Variants in COL5A2 observed in about 807,000 individuals in gnomAD.
The protein encoded by COL5A2 is collagen alpha-2(V) chain.
In COL5A2, 23 loss-of-function variants were observed where a neutral mutation model predicts 208.2. That is an observed-to-expected ratio of 0.11 (90% CI 0.08 to 0.16). COL5A2 has a LOEUF of 0.16. Ranked by LOEUF, COL5A2 falls within the 10% of genes least tolerant of loss-of-function variation. The pLI, the probability that COL5A2 is intolerant of heterozygous loss-of-function variation, is 1.00. For missense variants in COL5A2, 1,590 were observed against 1,956.4 expected (o/e 0.81, Z 3.53); for synonymous variants, 625 against 628.5 (o/e 0.99, Z 0.08).
chr2:189,410,178 T>C, the COL5A2 span, among the ~76,000 whole-genome samples: 1 of 152,230 alleles, frequency 6.6e-6, no homozygotes, highest in Non-Finnish European at 1.5e-5. Context: ...ACTTTCTACA[T>C]ATACACTTTG....
chr2:189,429,115 C>G, the COL5A2 span, among the ~76,000 whole-genome samples: 1 of 152,096 alleles, frequency 6.6e-6, no homozygotes, highest in African/African-American at 2.4e-5. Flanking sequence ...GTTAAGTGTT[C>G]TCAACACAAA....
the COL5A2 span, among the ~76,000 whole-genome samples, chr2:189,435,206 C>T: frequency 3.9e-5 from 6 of 152,282 alleles, no homozygotes; most frequent in Admixed American, 3.3e-4. Flanking sequence ...AATGTTAGAC[C>T]TAAAACCATA....
chr2:189,185,513 G>T (rs1246611575), intron 1 of COL5A2, among the ~76,000 whole-genome samples: 1 of 152,180 alleles, frequency 6.6e-6, no homozygotes, highest in Middle Eastern at 3.2e-3. Flanking sequence ...TAACATTTCT[G>T]CTGGATTACA....
In COL5A2 at chr2:189,079,076, G is replaced by A; in HGVS notation, c.992C>T (p.Ala331Val). The A allele has an allele frequency of 6.2e-7, 1 of 1,612,774 alleles. No individual in the cohort carries two copies. Among genetic ancestry groups the A allele is most frequent in the African/African-American group, 1.3e-5 (1 of 74,922 alleles). ...GEAGPTGPMGAMGPLGPRGMP... is the reference protein window; with the variant it reads ...GEAGPTGPMGVMGPLGPRGMP... ...ACGAGCACATACCAGAGGACCCATG[G>A]CACCCATTGGACCAGTGGGGCCAGC... The change falls in exon 15 of 54, where the codon GCC becomes GTC. Residue 331 changes from alanine (A) to valine (V), a missense_variant. Ala to Val is a moderately conservative substitution (Grantham distance 64, BLOSUM62 0). Transcript: ENST00000374866.
At chr2:189,431,975 C>T in the COL5A2 span, among the ~76,000 whole-genome samples, 4 of 152,128 alleles carry the variant, frequency 2.6e-5, no homozygotes, top group Admixed American at 1.3e-4. Flanking sequence ...CAAGAGGAAG[C>T]CCATCAGACT....
chr2:189,438,225 C>G, the COL5A2 span, among the ~76,000 whole-genome samples: 2 of 150,336 alleles, frequency 1.3e-5, no homozygotes, highest in Admixed American at 6.6e-5. Flanking sequence ...CAAGTCCTGA[C>G]AAGGGTGTAA....
At chr2:189,086,618 TA>T in intron 9 of COL5A2, 107 bp downstream of exon 9, 1 of 822,450 alleles carries the variant, frequency 1.2e-6, no homozygotes, top group Non-Finnish European at 2.0e-6. Flanking sequence ...CATTACAATA[TA>T]AAATTTTAAA....
chr2:189,315,873 A>T, the COL5A2 span, among the ~76,000 whole-genome samples: 1 of 152,132 alleles, frequency 6.6e-6, no homozygotes, highest in African/African-American at 2.4e-5. Flanking sequence ...AATATCACTG[A>T]TCACTAAACG....
At chr2:189,212,652 A>G (rs1161885139) in intron 1 of COL5A2, among the ~76,000 whole-genome samples, 1 of 150,958 alleles carries the variant, frequency 6.6e-6, no homozygotes, top group Non-Finnish European at 1.5e-5. Flanking sequence ...AAAAAAAAAA[A>G]GTATCTGCCA....
At chr2:189,342,680 C>CAA in the COL5A2 span, among the ~76,000 whole-genome samples, 1 of 128,244 alleles carries the variant, frequency 7.8e-6, no homozygotes, top group Non-Finnish European at 1.7e-5. Flanking sequence ...CACACACACA[C>CAA]AATAAATATG....
chr2:189,170,483 G>A (rs941777394), intron 1 of COL5A2, among the ~76,000 whole-genome samples: 1 of 152,138 alleles, frequency 6.6e-6, no homozygotes, highest in African/African-American at 2.4e-5. Flanking sequence ...GTTTCTTAGA[G>A]GATATAAGAT....
the COL5A2 span, among the ~76,000 whole-genome samples, chr2:189,346,452 A>C: frequency 6.6e-6 from 1 of 152,202 alleles, no homozygotes; most frequent in Non-Finnish European, 1.5e-5. Context: ...ATTTCATAAG[A>C]TATACTCCAT....
Position 189,175,607 on chromosome 2 carries a change from G to A in COL5A2, c.97+3901C>T, listed in dbSNP as rs372465417. Reference sequence around the variant, plus strand: ...CACCCAGACTGGAGTGCAGTGGCACGGTCTCAGCTCACTGCAACCTCCGCC... The same window carrying A: ...CACCCAGACTGGAGTGCAGTGGCACAGTCTCAGCTCACTGCAACCTCCGCC... On this transcript the variant is annotated intron_variant, in intron 1 of 53. Transcript: ENST00000374866. Among the ~76,000 whole-genome samples, 10 of 147,936 alleles carry A rather than the reference G, an allele frequency of 6.8e-5. No individual in the cohort carries two copies. The East Asian group carries it at 1.8e-3, about 27-fold the overall frequency.
At chr2:189,063,695 A>G (rs1686083340) in intron 26 of COL5A2, among the ~76,000 whole-genome samples, 1 of 152,170 alleles carries the variant, frequency 6.6e-6, no homozygotes. Context: ...GAACATTGCT[A>G]ATAGACAAAT....
intron 1 of COL5A2, among the ~76,000 whole-genome samples, chr2:189,132,275 A>C (rs1687730980): frequency 6.6e-6 from 1 of 152,210 alleles, no homozygotes; most frequent in Admixed American, 6.5e-5. Context: ...ATTTTGGTAC[A>C]GACAACTTCA....
At chr2:189,129,017 T>A (rs1687660744) in intron 1 of COL5A2, among the ~76,000 whole-genome samples, 1 of 151,886 alleles carries the variant, frequency 6.6e-6, no homozygotes. Flanking sequence ...TGGAAAAAAG[T>A]CTCTGATTTA....
chr2:189,408,777 C>T, the COL5A2 span, among the ~76,000 whole-genome samples: 1 of 152,040 alleles, frequency 6.6e-6, no homozygotes, highest in African/African-American at 2.4e-5. Context: ...AATATGAACA[C>T]GATCAATTAA....
intron 12 of COL5A2, among the ~76,000 whole-genome samples, chr2:189,082,914 A>G (rs1223614550): frequency 5.3e-5 from 8 of 152,234 alleles, no homozygotes. Flanking sequence ...TCGAGGAGGA[A>G]AGAAAGCAGG....
rs780495441 is a variant in COL5A2, at chr2:189,066,461, C to T, written c.1492G>A (p.Gly498Ser). The stretch of plus-strand genomic sequence containing the variant: ...CTGGGACCTCTTTTGCCTTCTTCAC[C>T]GGGTGGGCCTATCGGACCCTGAATA... ...HGIQGPIGPP[G>S]EEGKRGPRGD... The change falls in exon 23 of 54, where the codon GGT (glycine) becomes AGT (serine). Residue 498 changes from glycine to serine, a missense_variant. By Grantham distance (56) the Gly-to-Ser change is moderately conservative. Coordinates refer to ENST00000374866, the MANE Select transcript of COL5A2 (RefSeq NM_000393.5). The T allele has an allele frequency of 3.3e-5, 54 of 1,614,020 alleles. No individual in the cohort carries two copies. The highest frequency in any genetic ancestry group is 4.3e-5 in the Non-Finnish European group (51 of 1,180,026).
Sources: gnomAD v4.1 joint callset for allele counts (sites outside exome capture counted in the v4.1 genomes callset) on GRCh38, gnomAD v4.1.1 for gene constraint, MANE v1.5 for transcripts, NCBI Gene and HGNC (gene_info 2026-07-23, HGNC 2026-07-21) for gene names.